The following NAGK variants were observed in gnomAD, a reference collection of about 807,000 sequenced individuals.
NAGK encodes the protein N-acetyl-D-glucosamine kinase.
Under a neutral mutation model 42.9 loss-of-function variants are expected in NAGK, and 35 were observed. That is an observed-to-expected ratio of 0.82 (90% CI 0.62 to 1.08). The LOEUF (loss-of-function observed/expected upper bound fraction) is 1.08. Among genes scored for constraint, NAGK ranks in the 50% least tolerant of loss-of-function variants. The pLI is 0.00. For missense variants in NAGK, 446 were observed against 446.0 expected (o/e 1.00, Z 0.00); for synonymous variants, 172 against 176.0 (o/e 0.98, Z 0.18).
At position 71,079,517 on chromosome 2, in the gene NAGK, CACGCCT is replaced by C; in HGVS notation, c.*1010_*1015del. On this transcript the variant is annotated 3_prime_UTR_variant, in exon 10 of 10. Coordinates refer to ENST00000244204, the MANE Select transcript of NAGK (RefSeq NM_017567.6). ...ACGGTTTTGGCCGGGCACGGTGGCT[CACGCCT>C]GTAATCCCAGCACTTTGGGAGGCCG... The C allele has an allele frequency of 6.6e-6, 1 of 152,460 alleles. No individual in the cohort carries two copies. Among genetic ancestry groups the C allele is most frequent in the South Asian group, 2.1e-4 (1 of 4,830 alleles). The allele number at this position is 152,460 out of a possible 1,614,324, so 9.4% of individuals were successfully genotyped here. A position where few individuals can be genotyped will look rare whatever the true frequency, so the allele number is the denominator to read the frequency against.
intron 3 of NAGK, 29 bp downstream of exon 3, chr2:71,070,868 A>G: frequency 6.2e-7 from 1 of 1,610,868 alleles, no homozygotes; most frequent in African/African-American, 1.3e-5. Context: ...CTGGGAATTC[A>G]GCCATCTGTG....
In NAGK at chr2:71,073,487, T is replaced by G. The variant is rs1283677334; in HGVS notation, c.472T>G (p.Trp158Gly). ...HMMGDEGSAY[W>G]IAHQAVKIVF... ...GCCCTCTCTGCTCCCTGCAGCCTAC[T>G]GGATCGCACACCAAGCAGTGAAAAT... Residue 158 changes from tryptophan to glycine, a missense_variant, in exon 6 of 10, where the codon TGG becomes GGG. Trp to Gly is a radical substitution (Grantham distance 184). Coordinates refer to ENST00000244204, the MANE Select transcript of NAGK (RefSeq NM_017567.6). 3 of 1,613,280 alleles carry G rather than the reference T, an allele frequency of 1.9e-6. No individual in the cohort carries two copies. The highest frequency in any genetic ancestry group is 2.5e-6 in the Non-Finnish European group (3 of 1,179,340).
chr2:71,068,654 G>T lies in NAGK; in HGVS notation c.-30G>T. ...GTGTCAGGCGGGGAGAGACGCAAAC[G>T]GCGGGACCAGCAGCGACGGTAGCAG... On this transcript the variant is annotated 5_prime_UTR_variant, in exon 1 of 10. Coordinates refer to ENST00000244204, the MANE Select transcript of NAGK (RefSeq NM_017567.6). The T allele has an allele frequency of 6.6e-7, 1 of 1,522,262 alleles. No homozygotes were observed. The highest frequency in any genetic ancestry group is 2.1e-5 in the Admixed American group (1 of 46,840). The allele number at this position is 1,522,262 out of a possible 1,614,324, so 94.3% of individuals were successfully genotyped here.
Position 71,071,719 on chromosome 2 carries a change from G to C in NAGK, c.247G>C (p.Ala83Pro), listed in dbSNP as rs200297031. ...TCTGAGCGGTGGGGACCAGGAGGAC[G>C]CGGGGAGGATCCTGATCGAGGAGCT... ...LSLSGGDQED[A>P]GRILIEELRD... The change falls in exon 4 of 10, where the codon GCG (alanine) becomes CCG (proline). Residue 83 changes from alanine to proline, a missense_variant. Ala to Pro is a conservative substitution (Grantham distance 27). Coordinates refer to ENST00000244204, the MANE Select transcript of NAGK (RefSeq NM_017567.6). The C allele has an allele frequency of 9.3e-5, 150 of 1,613,872 alleles. 2 individuals carry two copies. In the South Asian group the frequency reaches 1.2e-3, roughly 13 times the overall value.
At chr2:71,075,718 A>C in intron 7 of NAGK, 76 bp downstream of exon 7, 5 of 1,391,162 alleles carry the variant, frequency 3.6e-6, no homozygotes, top group South Asian at 2.4e-5. Flanking sequence ...AGTGGGGTTC[A>C]GACAGGACTG....
chr2:71,073,355 C>T (rs944972372), intron 5 of NAGK, 127 bp from the exon 6 acceptor site: 2 of 400,856 alleles, frequency 5.0e-6, no homozygotes, highest in Admixed American at 2.5e-5. Flanking sequence ...CCACCCCTGG[C>T]TGGGAATCAG....
At chr2:71,071,461 G>A (rs1473169705) in intron 3 of NAGK, 13 of 568,376 alleles carry the variant, frequency 2.3e-5, no homozygotes, top group Admixed American at 1.3e-4. Context: ...TCCAAAGCTG[G>A]CATTGTTGAA....
At chr2:71,075,942 A>G in intron 7 of NAGK, 1 of 428,274 alleles carries the variant, frequency 2.3e-6, no homozygotes, top group Non-Finnish European at 4.3e-6. Flanking sequence ...ACAAATCTAT[A>G]ACTTTCTTTT....
intron 4 of NAGK, chr2:71,072,400 G>A (rs1025393853): frequency 8.2e-6 from 4 of 490,612 alleles, no homozygotes; most frequent in African/African-American, 5.8e-5. Flanking sequence ...TTCCCTCTAA[G>A]AGGTGCAGGC....
intron 1 of NAGK, chr2:71,068,933 C>G: frequency 3.9e-6 from 5 of 1,285,774 alleles, no homozygotes; most frequent in Non-Finnish European, 4.9e-6. Flanking sequence ...GGTTGGGGAT[C>G]CTTTGTGTTT....
At position 71,073,582 on chromosome 2, in the gene NAGK, C is replaced by G. The variant is rs776182456; in HGVS notation, c.567C>G (p.Phe189Leu). The change falls in exon 6 of 10, where the codon TTC (phenylalanine) becomes TTG (leucine). Residue 189 changes from phenylalanine (F) to leucine (L), a missense_variant. Phe to Leu is a conservative substitution (Grantham distance 22). Transcript: ENST00000244204. ...TCGGCTACGTCAAACAGGCCATGTTCCACTATTTCCAGGTACTCCTCCTGC... is the reference window on the plus strand; with the variant it reads ...TCGGCTACGTCAAACAGGCCATGTTGCACTATTTCCAGGTACTCCTCCTGC... ...HDIGYVKQAM[F>L]HYFQVPDRLG... 3.7e-6 allele frequency: 6 copies of G among 1,612,662 alleles called. No homozygotes were observed. The highest frequency in any genetic ancestry group is 2.7e-5 in the African/African-American group (2 of 74,872).
Position 71,079,323 on chromosome 2 carries a change from CCTGA to C in NAGK, c.*816_*819del. The C allele has an allele frequency of 1.3e-5, 2 of 152,226 alleles. No homozygotes were observed. Among genetic ancestry groups the C allele is most frequent in the African/African-American group, 4.8e-5 (2 of 41,450 alleles). 9.4% of individuals were successfully genotyped at this position (152,226 alleles called of 1,614,324 possible). A position where few individuals can be genotyped will look rare whatever the true frequency, so the allele number is the denominator to read the frequency against. On this transcript the variant is annotated 3_prime_UTR_variant, in exon 10 of 10. Coordinates refer to ENST00000244204, the MANE Select transcript of NAGK (RefSeq NM_017567.6). ...CCATAGTTCAGCCAGTGAAGGCAAACCTGAAGCTTCGGTTCCACAGCCTGTGCTG... is the reference window on the plus strand; with the variant it reads ...CCATAGTTCAGCCAGTGAAGGCAAACAGCTTCGGTTCCACAGCCTGTGCTG...
intron 5 of NAGK, 128 bp from the exon 6 acceptor site, chr2:71,073,354 G>T: frequency 1.9e-6 from 1 of 525,332 alleles, no homozygotes; most frequent in Non-Finnish European, 3.6e-6. Context: ...GCCACCCCTG[G>T]CTGGGAATCA....
chr2:71,073,037 A>G, intron 5 of NAGK: 1 of 486,872 alleles, frequency 2.1e-6, no homozygotes, highest in South Asian at 2.0e-5. Flanking sequence ...AGGAGTTGAA[A>G]CTGAGGGTAA....
chr2:71,068,761 G>A, intron 1 of NAGK, 49 bp downstream of exon 1: 1 of 1,442,450 alleles, frequency 6.9e-7, no homozygotes, highest in Non-Finnish European at 9.1e-7. Flanking sequence ...CGGGGCGGAA[G>A]GCCGTGGCCA....
At position 71,078,658 on chromosome 2, in the gene NAGK, A is replaced by G; in HGVS notation, c.*150A>G. On this transcript the variant is annotated 3_prime_UTR_variant, in exon 10 of 10. Coordinates refer to ENST00000244204, the MANE Select transcript of NAGK (RefSeq NM_017567.6). The stretch of plus-strand genomic sequence containing the variant: ...ACTCCCCAATTGGACTGCATTATCA[A>G]ACACATGTGCTATGTACATCCTCAG... 1.1e-6 allele frequency: 1 copy of G among 942,890 alleles called. No individual in the cohort carries two copies. Among genetic ancestry groups the G allele is most frequent in the Non-Finnish European group, 1.5e-6 (1 of 650,052 alleles). 58.4% of individuals were successfully genotyped at this position (942,890 alleles called of 1,614,324 possible).
rs1174452567 is a variant in NAGK at position 71,071,804 on chromosome 2, C to T, written c.332C>T (p.Ser111Phe). 1.2e-6 allele frequency: 2 copies of T among 1,614,122 alleles called. No homozygotes were observed. Among genetic ancestry groups the T allele is most frequent in the South Asian group, 1.1e-5 (1 of 91,086 alleles). The change falls in exon 4 of 10, where the codon TCC (serine) becomes TTC (phenylalanine). Residue 111 changes from serine (S) to phenylalanine (F), a missense_variant. By Grantham distance (155) the Ser-to-Phe change is radical. Coordinates refer to ENST00000244204, the MANE Select transcript of NAGK (RefSeq NM_017567.6). ...SYLITTDAAG[S>F]IATATPDGGV... ...TTAATCACCACCGATGCCGCCGGCT[C>T]CATCGCCACAGCTACACCGGATGGT...
rs1672330298 is a variant in NAGK, at chr2:71,079,434, C to T, written c.*926C>T. The T allele has an allele frequency of 6.6e-6, 1 of 152,186 alleles. No individual in the cohort carries two copies. Among genetic ancestry groups the T allele is most frequent in the African/African-American group, 2.4e-5 (1 of 41,440 alleles). 9.4% of individuals were successfully genotyped at this position (152,186 alleles called of 1,614,324 possible). ...TTTATTAGAGGCATGTGGATCATGT[C>T]CTGCACATCAGTTCTCCAACTTACA... On this transcript the variant is annotated 3_prime_UTR_variant, in exon 10 of 10. Transcript: ENST00000244204.
rs185363544 is a variant in NAGK at position 71,070,731 on chromosome 2, T to C, written c.115-10T>C. On this transcript the variant is annotated splice_polypyrimidine_tract_variant and intron_variant, in intron 2 of 9. Transcript: ENST00000244204. ...CCTTTGTAACTCCTTCTTCCCTTGA[T>C]TGGGGCCAGCTGATCGGGACAGACA... The C allele has an allele frequency of 8.5e-5, 137 of 1,614,102 alleles. 1 individual carries two copies. The East Asian group carries it at 2.4e-3, about 28-fold the overall frequency.
Sources: allele counts gnomAD v4.1 joint callset, GRCh38; gene constraint gnomAD v4.1.1; transcripts MANE v1.5; gene names NCBI Gene and HGNC (gene_info 2026-07-23, HGNC 2026-07-21).